SLC35D4: variants seen among roughly 807,000 people sequenced by gnomAD.
SLC35D4 encodes the protein UDP-N-acetylglucosamine transporter SLC35D4.
the SLC35D4 span, chr18:23,252,939 G>A: frequency 1.3e-5 from 19 of 1,508,980 alleles, no homozygotes; most frequent in Non-Finnish European, 1.6e-5. Flanking sequence ...GGAGTGATCC[G>A]TGTTCCCCTG....
At chr18:23,332,061 G>T in the SLC35D4 span, among the ~76,000 whole-genome samples, 1 of 79,662 alleles carries the variant, frequency 1.3e-5, no homozygotes, top group Non-Finnish European at 2.6e-5. Flanking sequence ...AATTTAAAAA[G>T]AATTTTTTTT....
chr18:23,357,883 T>C, the SLC35D4 span, among the ~76,000 whole-genome samples: 1 of 152,244 alleles, frequency 6.6e-6, no homozygotes, highest in African/African-American at 2.4e-5. Context: ...CTGGTTTTCA[T>C]GAAGCCCAAC....
the SLC35D4 span, among the ~76,000 whole-genome samples, chr18:23,253,254 G>A: frequency 6.6e-6 from 1 of 152,170 alleles, no homozygotes; most frequent in Admixed American, 6.5e-5. Context: ...AGGCCGAAGT[G>A]GGCGGATCAC....
chr18:23,392,847 A>G, the SLC35D4 span, among the ~76,000 whole-genome samples: 1 of 152,186 alleles, frequency 6.6e-6, no homozygotes, highest in African/African-American at 2.4e-5. Context: ...GACAAGTAAG[A>G]ACACATTATC....
the SLC35D4 span, among the ~76,000 whole-genome samples, chr18:23,383,114 C>T: frequency 1.3e-5 from 2 of 151,952 alleles, no homozygotes; most frequent in East Asian, 1.9e-4. Context: ...TTCAGATGTC[C>T]GGGGAGAACC....
the SLC35D4 span, among the ~76,000 whole-genome samples, chr18:23,396,065 C>T: frequency 6.6e-6 from 1 of 152,264 alleles, no homozygotes; most frequent in Middle Eastern, 3.4e-3. Context: ...AGTGAATGGA[C>T]AGCTACAAGA....
the SLC35D4 span, among the ~76,000 whole-genome samples, chr18:23,270,518 C>T: frequency 6.6e-6 from 1 of 152,158 alleles, no homozygotes; most frequent in Non-Finnish European, 1.5e-5. Flanking sequence ...TCTTCCAGAC[C>T]CCAGAATGGT....
the SLC35D4 span, among the ~76,000 whole-genome samples, chr18:23,271,758 C>T: frequency 2.0e-5 from 3 of 152,130 alleles, no homozygotes; most frequent in Non-Finnish European, 4.4e-5. Flanking sequence ...TGGGTGAAGA[C>T]TGAGTTGATC....
chr18:23,330,193 TA>T, the SLC35D4 span, among the ~76,000 whole-genome samples: 5 of 149,702 alleles, frequency 3.3e-5, no homozygotes, highest in Non-Finnish European at 5.9e-5. Flanking sequence ...ACCTAAAGTA[TA>T]AAAAAAAAGA....
chr18:23,381,650 G>A, the SLC35D4 span, among the ~76,000 whole-genome samples: 1 of 152,196 alleles, frequency 6.6e-6, no homozygotes, highest in Non-Finnish European at 1.5e-5. Flanking sequence ...ATGATGTTTT[G>A]TGTTAGTGAT....
chr18:23,279,203 A>G, the SLC35D4 span, among the ~76,000 whole-genome samples: 1 of 152,138 alleles, frequency 6.6e-6, no homozygotes, highest in Admixed American at 6.5e-5. Flanking sequence ...AACTCTAGCT[A>G]TCACATCTTC....
the SLC35D4 span, among the ~76,000 whole-genome samples, chr18:23,413,731 C>G: frequency 6.6e-6 from 1 of 151,530 alleles, no homozygotes; most frequent in Non-Finnish European, 1.5e-5. Flanking sequence ...TCGAGACCAG[C>G]CTGGCCAACA....
the SLC35D4 span, among the ~76,000 whole-genome samples, chr18:23,286,650 G>C: frequency 4.1e-5 from 6 of 147,348 alleles, no homozygotes; most frequent in Non-Finnish European, 7.5e-5. Flanking sequence ...CCCACTCCAC[G>C]TTACCTTCTT....
At chr18:23,348,047 C>T in the SLC35D4 span, among the ~76,000 whole-genome samples, 1 of 152,170 alleles carries the variant, frequency 6.6e-6, no homozygotes, top group Admixed American at 6.5e-5. Context: ...TTTCTGTTTT[C>T]ATTTGATTGA....
chr18:23,371,923 C>CTTATTTT, the SLC35D4 span, among the ~76,000 whole-genome samples: 3 of 111,588 alleles, frequency 2.7e-5, 1 homozygote, highest in African/African-American at 1.1e-4. Context: ...TTATTTCTTC[C>CTTATTTT]TTGTTTTTTT....
chr18:23,424,633 G>T, the SLC35D4 span, among the ~76,000 whole-genome samples: 5 of 152,128 alleles, frequency 3.3e-5, no homozygotes, highest in Non-Finnish European at 7.4e-5. Flanking sequence ...CCAAAAAAAC[G>T]CTTGCTACTC....
the SLC35D4 span, among the ~76,000 whole-genome samples, chr18:23,411,479 G>GAGAAAGAAAGAA: frequency 1.4e-5 from 1 of 72,844 alleles, no homozygotes; most frequent in South Asian, 4.4e-4. Flanking sequence ...AAGAAAGAAA[G>GAGAAAGAAAGAA]AGATAGAAAG....
the SLC35D4 span, among the ~76,000 whole-genome samples, chr18:23,279,000 A>C: frequency 6.7e-6 from 1 of 149,918 alleles, no homozygotes; most frequent in Non-Finnish European, 1.5e-5. Context: ...GTGACAGAGC[A>C]AGACCCCATC....
At chr18:23,377,575 G>A in the SLC35D4 span, 1 of 1,429,834 alleles carries the variant, frequency 7.0e-7, no homozygotes, top group South Asian at 1.4e-5. Flanking sequence ...ATCTTGAACA[G>A]TTTATCATTC....
Sources: gnomAD v4.1 joint callset for allele counts (sites outside exome capture counted in the v4.1 genomes callset) on GRCh38, gnomAD v4.1.1 for gene constraint, MANE v1.5 for transcripts, NCBI Gene and HGNC (gene_info 2026-07-23, HGNC 2026-07-21) for gene names.